The following THADA variants were observed in gnomAD, a reference collection of about 807,000 sequenced individuals.
THADA encodes tRNA (32-2'-O)-methyltransferase regulator THADA.
In THADA, 213 loss-of-function variants were observed where a neutral mutation model predicts 219.8. The ratio of observed to expected loss-of-function variants is 0.97; its 90% CI spans 0.87 to 1.09. The LOEUF is 1.09. THADA is among the 50% of genes least tolerant of loss of function. The pLI, the probability that THADA is intolerant of heterozygous loss-of-function variation, is 0.00. For synonymous variants in THADA, 1,018 were observed against 828.9 expected, an observed-to-expected ratio of 1.23 and a Z score of -3.92; for missense variants, 2,956 against 2,311.3, an observed-to-expected ratio of 1.28 and a Z score of -5.72.
intron 25 of THADA, among the ~76,000 whole-genome samples, chr2:43,495,477 AAAGAGAAAGAAAATG>A (rs1287596454): frequency 2.6e-5 from 4 of 152,234 alleles, no homozygotes; most frequent in African/African-American, 9.6e-5. Flanking sequence ...ACACATAAAA[AAAGAGAAAGAAAATG>A]AATCAGAATG....
At chr2:43,491,690 T>A in intron 25 of THADA, among the ~76,000 whole-genome samples, 1 of 152,182 alleles carries the variant, frequency 6.6e-6, no homozygotes. Context: ...AACCTAGGTG[T>A]GGAGTAGGCT....
At chr2:43,513,495 C>A in intron 22 of THADA, among the ~76,000 whole-genome samples, 1 of 152,116 alleles carries the variant, frequency 6.6e-6, no homozygotes, top group Non-Finnish European at 1.5e-5. Context: ...TGAGAAGAAC[C>A]TGAAAAAGGG....
intron 15 of THADA, chr2:43,562,813 T>C (rs1282968673): frequency 6.6e-6 from 1 of 152,250 alleles, no homozygotes; most frequent in Non-Finnish European, 1.5e-5. Context: ...GTCATGTTTC[T>C]AGAAACTTGT....
At chr2:43,272,757 T>G (rs745997046) in intron 36 of THADA, among the ~76,000 whole-genome samples, 6 of 151,692 alleles carry the variant, frequency 4.0e-5, no homozygotes, top group Non-Finnish European at 7.4e-5. Context: ...CTTCAGTAGC[T>G]GGAACCACAG....
intron 22 of THADA, among the ~76,000 whole-genome samples, chr2:43,523,823 G>C (rs1390647613): frequency 5.3e-5 from 8 of 152,136 alleles, no homozygotes; most frequent in Admixed American, 2.0e-4. Context: ...TGAAGAGTAA[G>C]ACAACATCAA....
At chr2:43,576,954 T>A in intron 10 of THADA, 68 bp downstream of exon 10, 1 of 1,426,148 alleles carries the variant, frequency 7.0e-7, no homozygotes, top group Non-Finnish European at 9.7e-7. Context: ...CCACTCCAGC[T>A]TTTGGACTGC....
intron 36 of THADA, among the ~76,000 whole-genome samples, chr2:43,258,079 T>C (rs1328538923): frequency 6.6e-6 from 1 of 152,060 alleles, no homozygotes; most frequent in East Asian, 1.9e-4. Context: ...GTGCCTCCCT[T>C]AGAAAGGGAG....
At chr2:43,485,065 T>C (rs1027125181) in intron 26 of THADA, among the ~76,000 whole-genome samples, 169 bp downstream of exon 26, 8 of 152,184 alleles carry the variant, frequency 5.3e-5, no homozygotes, top group Non-Finnish European at 1.0e-4. Context: ...GTTGATATTT[T>C]TGCCCAAGGG....
chr2:43,247,754 A>AAAAG (rs1558462951), intron 36 of THADA, among the ~76,000 whole-genome samples: 2 of 130,698 alleles, frequency 1.5e-5, no homozygotes, highest in African/African-American at 5.8e-5. Flanking sequence ...AAAAAAAAAA[A>AAAAG]GGGGGGTGCT....
At chr2:43,390,762 C>G (rs1673274917) in intron 29 of THADA, among the ~76,000 whole-genome samples, 1 of 152,164 alleles carries the variant, frequency 6.6e-6, no homozygotes, top group African/African-American at 2.4e-5. Context: ...AAGGATGTGT[C>G]TCTTCTGTTC....
At chr2:43,283,578 C>G (rs1673629644) in intron 35 of THADA, among the ~76,000 whole-genome samples, 1 of 152,226 alleles carries the variant, frequency 6.6e-6, no homozygotes, top group South Asian at 2.1e-4. Context: ...TAAGGTCACT[C>G]TTGCTCTGCT....
chr2:43,450,134 G>C (rs6731998), intron 26 of THADA, among the ~76,000 whole-genome samples: 16,801 of 152,040 alleles, frequency 0.11, 1,053 homozygotes, highest in African/African-American at 0.16. Flanking sequence ...CAAAAGCTAG[G>C]ATCATTGTAA....
chr2:43,515,258 TATATA>T (rs1691469495), intron 22 of THADA, among the ~76,000 whole-genome samples: 3 of 60,174 alleles, frequency 5.0e-5, no homozygotes, highest in African/African-American at 1.3e-4. Flanking sequence ...TTATATATAA[TATATA>T]ATATATAATA....
At chr2:43,296,311 G>C (rs889015676) in intron 31 of THADA, among the ~76,000 whole-genome samples, 2 of 149,384 alleles carry the variant, frequency 1.3e-5, no homozygotes, top group East Asian at 4.0e-4. Flanking sequence ...AATCTCCCTC[G>C]GTCACCCAGG....
At chr2:43,465,358 T>A (rs140605826) in intron 26 of THADA, among the ~76,000 whole-genome samples, 1 of 152,218 alleles carries the variant, frequency 6.6e-6, no homozygotes, top group Non-Finnish European at 1.5e-5. Flanking sequence ...AACTTAACGA[T>A]GCAAGATGGC....
At chr2:43,419,573 A>C (rs1438750823) in intron 28 of THADA, among the ~76,000 whole-genome samples, 1 of 152,112 alleles carries the variant, frequency 6.6e-6, no homozygotes, top group Non-Finnish European at 1.5e-5. Context: ...TCTATTTCCC[A>C]ATTCTTATTT....
In THADA at chr2:43,428,085, A is replaced by G; in HGVS notation, c.4058+15T>C. ...CCACGCCAACCTAGACAATTTCTAC[A>G]CAGCATGACACTACCTCATAATGAA... On this transcript the variant is annotated intron_variant, in intron 28 of 37. Transcript: ENST00000405975. 6.4e-7 allele frequency: 1 copy of G among 1,570,570 alleles called. No homozygotes were observed. The highest frequency in any genetic ancestry group is 8.6e-7 in the Non-Finnish European group (1 of 1,158,230).
intron 26 of THADA, among the ~76,000 whole-genome samples, chr2:43,478,501 T>C (rs934720087): frequency 1.3e-5 from 2 of 152,202 alleles, no homozygotes; most frequent in African/African-American, 4.8e-5. Context: ...TCTTAAATTA[T>C]GTAATCCTGG....
chr2:43,304,280 G>T (rs543509920), intron 31 of THADA, among the ~76,000 whole-genome samples: 2 of 152,264 alleles, frequency 1.3e-5, no homozygotes, highest in Admixed American at 6.5e-5. Flanking sequence ...GACTATGGGG[G>T]AGGCAAAGCC....
Sources: allele counts gnomAD v4.1 joint callset (sites outside exome capture counted in the v4.1 genomes callset), GRCh38; gene constraint gnomAD v4.1.1; transcripts MANE v1.5; gene names NCBI Gene and HGNC (gene_info 2026-07-23, HGNC 2026-07-21).